B3GLCT: variants seen among roughly 807,000 people sequenced by gnomAD.
The protein encoded by B3GLCT is beta-1,3-glucosyltransferase.
B3GLCT carries 65 observed loss-of-function variants against 63.4 expected under a neutral mutation model. The observed-to-expected ratio is 1.03, with a 90% CI of 0.84 to 1.26. B3GLCT has a LOEUF of 1.26. Ranked by LOEUF, B3GLCT falls within the 50% of genes most tolerant of loss-of-function variation. The pLI, the probability that B3GLCT is intolerant of heterozygous loss-of-function variation, is 0.00. For synonymous variants in B3GLCT, 233 were observed against 219.2 expected (o/e 1.06, Z -0.55); for missense variants, 577 against 604.8 (o/e 0.95, Z 0.48).
intron 1 of B3GLCT, among the ~76,000 whole-genome samples, chr13:31,210,579 G>A (rs1385733810): frequency 6.6e-6 from 1 of 152,060 alleles, no homozygotes; most frequent in African/African-American, 2.4e-5. Context: ...TACCTCCCTT[G>A]CTAATTTTTC....
chr13:31,210,803 G>A (rs1869216565), intron 1 of B3GLCT, among the ~76,000 whole-genome samples: 2 of 152,068 alleles, frequency 1.3e-5, no homozygotes, highest in African/African-American at 4.8e-5. Flanking sequence ...GGAGTGAAGT[G>A]GCATGATCAT....
chr13:31,329,425 T>C, intron 14 of B3GLCT, 76 bp from the exon 15 acceptor site: 1 of 1,543,504 alleles, frequency 6.5e-7, no homozygotes, highest in Non-Finnish European at 9.0e-7. Context: ...CAGTCCACTT[T>C]ATAAATTCAA....
At position 31,200,016 on chromosome 13, in the gene B3GLCT, G is replaced by C. The variant is rs987662500; in HGVS notation, c.-69G>C. 191 of 1,020,508 alleles carry C rather than the reference G, an allele frequency of 1.9e-4. No homozygotes were observed. The Middle Eastern group carries it at 1.9e-3, about 10-fold the overall frequency. The allele number at this position is 1,020,508 out of a possible 1,614,324, so 63.2% of individuals were successfully genotyped here. A position where few individuals can be genotyped will look rare whatever the true frequency, so the allele number is the denominator to read the frequency against. On this transcript the variant is annotated 5_prime_UTR_variant, in exon 1 of 15. Transcript: ENST00000343307. ...CGGCGGCAGGGCGGCGGCGGCAGCG[G>C]CGCAGCTCCGCTCCCCGCGCGTCTC...
chr13:31,242,387 A>G (rs1511575), intron 4 of B3GLCT, among the ~76,000 whole-genome samples: 35,791 of 152,194 alleles, frequency 0.24, 4,346 homozygotes, highest in Non-Finnish European at 0.25. Context: ...TGCCTGTCTT[A>G]TCACAGCTGT....
intron 1 of B3GLCT, among the ~76,000 whole-genome samples, chr13:31,213,113 G>A (rs1013467875): frequency 1.3e-5 from 2 of 150,924 alleles, no homozygotes; most frequent in African/African-American, 4.9e-5. Context: ...AAGGTGAGGG[G>A]CACTAAACGT....
intron 4 of B3GLCT, among the ~76,000 whole-genome samples, chr13:31,230,805 C>T (rs943340327): frequency 6.6e-6 from 1 of 152,016 alleles, no homozygotes; most frequent in Non-Finnish European, 1.5e-5. Context: ...GTTGAGAGAT[C>T]GAGACCATCC....
chr13:31,273,589 CTT>C (rs1340756494), intron 8 of B3GLCT, among the ~76,000 whole-genome samples: 1 of 151,758 alleles, frequency 6.6e-6, no homozygotes, highest in East Asian at 1.9e-4. Flanking sequence ...TGTTCGTTAT[CTT>C]ATTTCTTTTT....
chr13:31,278,047 G>T (rs576494358), intron 10 of B3GLCT, among the ~76,000 whole-genome samples: 171 of 152,232 alleles, frequency 1.1e-3, no homozygotes, highest in Middle Eastern at 3.4e-3. Flanking sequence ...TTGGGGAAAT[G>T]AACTATACCG....
chr13:31,207,187 T>C (rs1202848124), intron 1 of B3GLCT, among the ~76,000 whole-genome samples: 2 of 152,204 alleles, frequency 1.3e-5, no homozygotes, highest in African/African-American at 4.8e-5. Flanking sequence ...ATTAATAAGA[T>C]GCCCAAAAGT....
intron 13 of B3GLCT, among the ~76,000 whole-genome samples, chr13:31,319,292 C>T (rs748131769): frequency 6.6e-6 from 1 of 152,090 alleles, no homozygotes; most frequent in African/African-American, 2.4e-5. Flanking sequence ...TAAAACTTCT[C>T]ACCACCACCA....
At chr13:31,236,668 GTAAT>G (rs1870660749) in intron 4 of B3GLCT, among the ~76,000 whole-genome samples, 1 of 152,168 alleles carries the variant, frequency 6.6e-6, no homozygotes, top group Admixed American at 6.5e-5. Context: ...TACAGCTTAG[GTAAT>G]TTCATTTTTG....
At chr13:31,265,143 A>G (rs1872227763) in intron 7 of B3GLCT, among the ~76,000 whole-genome samples, 1 of 152,202 alleles carries the variant, frequency 6.6e-6, no homozygotes. Flanking sequence ...GTGTGTTCTA[A>G]TCTCCAGACT....
intron 1 of B3GLCT, among the ~76,000 whole-genome samples, chr13:31,213,294 A>C (rs1869372022): frequency 6.6e-6 from 1 of 152,156 alleles, no homozygotes; most frequent in Non-Finnish European, 1.5e-5. Flanking sequence ...CAAATGGTAG[A>C]TAAAACTGTA....
At chr13:31,306,516 A>G (rs1480862365) in intron 12 of B3GLCT, among the ~76,000 whole-genome samples, 1 of 110,364 alleles carries the variant, frequency 9.1e-6, no homozygotes. Flanking sequence ...AAAAATCACA[A>G]GCATTCTTAT....
At position 31,235,773 on chromosome 13, in the gene B3GLCT, C is replaced by T. The variant is rs148736863; in HGVS notation, c.270+6479C>T. Among the ~76,000 whole-genome samples, 38 of 152,280 alleles carry T rather than the reference C, an allele frequency of 2.5e-4. 1 individual carries two copies. In the East Asian group the frequency reaches 7.1e-3, roughly 29 times the overall value. ...CATGTTGTGTAACAGATCTCCAGAG[C>T]TTTTTTATCTTGTGAAACTAAAATC... On this transcript the variant is annotated intron_variant, in intron 4 of 14. Transcript: ENST00000343307.
intron 1 of B3GLCT, among the ~76,000 whole-genome samples, chr13:31,208,661 G>A (rs1013219178): frequency 2.3e-5 from 3 of 131,108 alleles, no homozygotes; most frequent in Non-Finnish European, 4.6e-5. Context: ...GAGGCCCTTA[G>A]CGCTCTTTGC....
chr13:31,204,944 GTT>G (rs938883782), intron 1 of B3GLCT, among the ~76,000 whole-genome samples: 1 of 152,176 alleles, frequency 6.6e-6, no homozygotes, highest in African/African-American at 2.4e-5. Context: ...TTTAAAAACA[GTT>G]TTATGTGGTT....
At chr13:31,328,509 C>G (rs1383139933) in intron 14 of B3GLCT, among the ~76,000 whole-genome samples, 1 of 151,818 alleles carries the variant, frequency 6.6e-6, no homozygotes, top group African/African-American at 2.4e-5. Flanking sequence ...GGCTGGCTAA[C>G]ATGGTGAAAC....
chr13:31,290,555 C>T (rs1175933217), intron 12 of B3GLCT, among the ~76,000 whole-genome samples: 3 of 152,236 alleles, frequency 2.0e-5, no homozygotes, highest in African/African-American at 7.2e-5. Context: ...GATTGCCATT[C>T]TAACTGGCGT....
Sources: gnomAD v4.1 joint callset for allele counts (sites outside exome capture counted in the v4.1 genomes callset) on GRCh38, gnomAD v4.1.1 for gene constraint, MANE v1.5 for transcripts, NCBI Gene and HGNC (gene_info 2026-07-23, HGNC 2026-07-21) for gene names.